The following MACROD2 variants were observed in gnomAD, a reference collection of about 807,000 sequenced individuals.
MACROD2 encodes the protein mono-ADP ribosylhydrolase 2, also known as ADP-ribose glycohydrolase MACROD2.
Under a neutral mutation model 70.4 loss-of-function variants are expected in MACROD2, and 36 were observed. The ratio of observed to expected loss-of-function variants is 0.51; its 90% CI spans 0.39 to 0.68. The LOEUF is 0.68. Ranked by LOEUF, MACROD2 falls within the 30% of genes least tolerant of loss-of-function variation. The probability of loss-of-function intolerance (pLI) is 0.00; values close to 1 mark genes in which losing one functional copy is unlikely to be tolerated. For synonymous variants in MACROD2, 172 were observed against 178.8 expected, an observed-to-expected ratio of 0.96 and a Z score of 0.30; for missense variants, 496 against 538.4, an observed-to-expected ratio of 0.92 and a Z score of 0.78.
chr20:15,022,359 C>T (rs2075194515), intron 5 of MACROD2, among the ~76,000 whole-genome samples: 1 of 152,106 alleles, frequency 6.6e-6, no homozygotes, highest in African/African-American at 2.4e-5. Context: ...AGAAAAGCTC[C>T]ATTTTCTGGC....
chr20:15,848,249 A>G (rs2064255971), intron 8 of MACROD2, among the ~76,000 whole-genome samples: 1 of 152,048 alleles, frequency 6.6e-6, no homozygotes, highest in South Asian at 2.1e-4. Context: ...TACACCATGC[A>G]TTCTGGCTCC....
chr20:14,228,072 G>A (rs2081759692), intron 3 of MACROD2, among the ~76,000 whole-genome samples: 1 of 151,830 alleles, frequency 6.6e-6, no homozygotes, highest in Non-Finnish European at 1.5e-5. Flanking sequence ...TAAAAAACTG[G>A]CTTGTTTTTA....
In MACROD2 at chr20:14,346,033, G is replaced by T. The variant is rs1020886607; in HGVS notation, c.272-147446G>T. ...GGCGTGAACCTGGGAGGCAGAGCTT[G>T]CAGTGAGCCGAGATTGCACCACTGC... On this transcript the variant is annotated intron_variant, in intron 3 of 17. Coordinates refer to ENST00000684519, the MANE Select transcript of MACROD2 (RefSeq NM_001351661.2). Among the ~76,000 whole-genome samples the T allele has an allele frequency of 4.5e-5, 6 of 133,410 alleles. No individual in the cohort carries two copies. In the East Asian group the frequency reaches 1.2e-3, roughly 27 times the overall value. The allele number at this position is 133,410 out of a possible 152,430, so 87.5% of individuals were successfully genotyped here.
intron 8 of MACROD2, among the ~76,000 whole-genome samples, chr20:15,560,142 A>C (rs942341019): frequency 6.6e-6 from 1 of 152,140 alleles, no homozygotes; most frequent in Non-Finnish European, 1.5e-5. Flanking sequence ...ATGTTTTCCT[A>C]TCATTTTATG....
intron 5 of MACROD2, among the ~76,000 whole-genome samples, chr20:15,107,703 C>T (rs1174538264): frequency 1.3e-5 from 2 of 152,044 alleles, no homozygotes; most frequent in South Asian, 4.1e-4. Context: ...TTTTTTACTT[C>T]CTTGTTTCCA....
intron 5 of MACROD2, among the ~76,000 whole-genome samples, chr20:14,922,044 C>A (rs1034982767): frequency 4.6e-5 from 7 of 152,278 alleles, no homozygotes; most frequent in Middle Eastern, 3.4e-3. Flanking sequence ...AAATGCTCAA[C>A]TTGGAGTTGG....
chr20:14,242,772 A>G (rs747317024), intron 3 of MACROD2, among the ~76,000 whole-genome samples: 2 of 152,208 alleles, frequency 1.3e-5, no homozygotes, highest in Non-Finnish European at 2.9e-5. Context: ...GCAAGCAAAT[A>G]AAAACAATGT....
Position 15,810,989 on chromosome 20 carries a change from A to C in MACROD2, c.646-51756A>C, listed in dbSNP as rs538167706. ...GACCTAAAACCATAAAAACCCTAGAAGAAAACCTAGGCATTACCATTCAGG... is the reference window on the plus strand; with the variant it reads ...GACCTAAAACCATAAAAACCCTAGACGAAAACCTAGGCATTACCATTCAGG... On this transcript the variant is annotated intron_variant, in intron 8 of 17. Coordinates refer to ENST00000684519, the MANE Select transcript of MACROD2 (RefSeq NM_001351661.2). Among the ~76,000 whole-genome samples the C allele has an allele frequency of 5.3e-3, 799 of 149,926 alleles. 6 individuals are homozygous for C. Among genetic ancestry groups the C allele is most frequent in the Non-Finnish European group, 9.2e-3 (620 of 67,428 alleles).
At chr20:14,006,032 A>G (rs924945829) in intron 2 of MACROD2, among the ~76,000 whole-genome samples, 8 of 152,148 alleles carry the variant, frequency 5.3e-5, no homozygotes, top group African/African-American at 1.9e-4. Context: ...ATAATACTGT[A>G]TTTTTACTAT....
At chr20:15,227,823 G>GGTTTTTTTTTTTT (rs2076920739) in intron 5 of MACROD2, among the ~76,000 whole-genome samples, 1 of 46,108 alleles carries the variant, frequency 2.2e-5, no homozygotes, top group Non-Finnish European at 3.8e-5. Flanking sequence ...AATTTCACCT[G>GGTTTTTTTTTTTT]TTTTTTTTTT....
At chr20:14,441,395 A>C (rs566555310) in intron 3 of MACROD2, among the ~76,000 whole-genome samples, 1 of 152,280 alleles carries the variant, frequency 6.6e-6, no homozygotes, top group East Asian at 1.9e-4. Flanking sequence ...TTGCTGAACC[A>C]CAAGATCTTG....
At chr20:15,253,435 C>T (rs1012163334) in intron 6 of MACROD2, among the ~76,000 whole-genome samples, 2 of 152,204 alleles carry the variant, frequency 1.3e-5, no homozygotes, top group Non-Finnish European at 2.9e-5. Flanking sequence ...AGCAACTACA[C>T]AGTTCCAAGA....
chr20:16,023,594 G>A (rs2067035381), intron 15 of MACROD2, among the ~76,000 whole-genome samples: 1 of 151,996 alleles, frequency 6.6e-6, no homozygotes, highest in South Asian at 2.1e-4. Context: ...AAGCACATGT[G>A]AGGAGGTGGG....
At chr20:15,361,212 A>G (rs1306059373) in intron 6 of MACROD2, among the ~76,000 whole-genome samples, 4 of 152,142 alleles carry the variant, frequency 2.6e-5, no homozygotes, top group African/African-American at 2.4e-5. Flanking sequence ...TAAATCTACA[A>G]TCTATTTGAG....
At chr20:15,577,496 C>A (rs2048464768) in intron 8 of MACROD2, among the ~76,000 whole-genome samples, 2 of 152,124 alleles carry the variant, frequency 1.3e-5, no homozygotes. Flanking sequence ...AAATATTCTG[C>A]CAGTACAAGC....
rs6033944 is a variant in MACROD2 at position 14,326,469 on chromosome 20, C to T, written c.272-167010C>T. The T allele has an allele frequency of 1.2e-6, 2 of 1,613,836 alleles. No individual in the cohort carries two copies. Among genetic ancestry groups the T allele is most frequent in the African/African-American group, 1.3e-5 (1 of 74,994 alleles). ...AATCAAACAGTTCTGCATTGAGATC[C>T]TTAATAGCCATCCCACGAACCTTTT... On this transcript the variant is annotated intron_variant, in intron 3 of 17. Transcript: ENST00000684519. This position sits in a 1 kb window ranked among gnomAD's most constrained non-coding sequence, Gnocchi z 5.5.
intron 3 of MACROD2, among the ~76,000 whole-genome samples, chr20:14,298,979 T>C (rs1483887662): frequency 6.6e-6 from 1 of 152,220 alleles, no homozygotes; most frequent in Non-Finnish European, 1.5e-5. Context: ...CTGGTGAAGA[T>C]GCTGTGAACA....
chr20:15,983,609 T>C (rs925071168), intron 13 of MACROD2, among the ~76,000 whole-genome samples: 1 of 152,098 alleles, frequency 6.6e-6, no homozygotes, highest in Non-Finnish European at 1.5e-5. Flanking sequence ...TGCAGGGACT[T>C]TGGGATATAG....
chr20:15,013,836 C>T (rs1045500108), intron 5 of MACROD2, among the ~76,000 whole-genome samples: 3 of 152,120 alleles, frequency 2.0e-5, no homozygotes, highest in African/African-American at 4.8e-5. Flanking sequence ...TTTTTCCTGG[C>T]GGTGGAGCTT....
Sources: gnomAD v4.1 joint callset for allele counts (sites outside exome capture counted in the v4.1 genomes callset) on GRCh38, gnomAD v4.1.1 for gene constraint, Gnocchi (gnomAD v3.1) non-coding constraint, MANE v1.5 for transcripts, NCBI Gene and HGNC (gene_info 2026-07-23, HGNC 2026-07-21) for gene names.